Variants in ADAMTSL1 observed in about 807,000 individuals in gnomAD.
ADAMTSL1 encodes the protein ADAMTS-like protein 1.
Under a neutral mutation model 201.8 loss-of-function variants are expected in ADAMTSL1, and 126 were observed. That is an observed-to-expected ratio of 0.62 (90% CI 0.54 to 0.72). The LOEUF is 0.72. ADAMTSL1 is among the 30% of genes least tolerant of loss of function. The pLI is 0.00. For missense variants in ADAMTSL1, 2,679 were observed against 2,277.8 expected, an observed-to-expected ratio of 1.18 and a Z score of -3.59; for synonymous variants, 1,121 against 903.4, an observed-to-expected ratio of 1.24 and a Z score of -4.32.
rs146189471 is a variant in ADAMTSL1, at chr9:18,797,438, A to G, written c.3805+1914A>G. On this transcript the variant is annotated intron_variant, in intron 20 of 28. Coordinates refer to ENST00000380548, the MANE Select transcript of ADAMTSL1 (RefSeq NM_001040272.6). ...TGCCACATGTTGTGGAACCTACAGC[A>G]ATAAATAAAACCTGTGTTTTGTGGT... Among the ~76,000 whole-genome samples, 182 of 152,344 alleles carry G rather than the reference A, an allele frequency of 1.2e-3. 1 individual carries two copies. The highest frequency in any genetic ancestry group is 3.8e-3 in the African/African-American group (157 of 41,570).
chr9:18,173,357 A>T (rs1186993624), intron 2 of ADAMTSL1, among the ~76,000 whole-genome samples: 1 of 152,118 alleles, frequency 6.6e-6, no homozygotes, highest in Non-Finnish European at 1.5e-5. Context: ...GCAGAACCCA[A>T]CATCATGGGG....
At chr9:18,192,880 A>C (rs1330194481) in intron 2 of ADAMTSL1, among the ~76,000 whole-genome samples, 1 of 152,202 alleles carries the variant, frequency 6.6e-6, no homozygotes, top group Non-Finnish European at 1.5e-5. Context: ...GCTTATTGCA[A>C]GCACTGTATG....
chr9:18,848,284 A>C (rs368449944), intron 23 of ADAMTSL1, among the ~76,000 whole-genome samples: 12 of 152,370 alleles, frequency 7.9e-5, no homozygotes, highest in Admixed American at 5.9e-4. Context: ...GTACTTTTAA[A>C]AAATGATTCT....
chr9:18,518,036 C>G (rs1818467232), intron 2 of ADAMTSL1, among the ~76,000 whole-genome samples: 1 of 152,094 alleles, frequency 6.6e-6, no homozygotes, highest in Non-Finnish European at 1.5e-5. Flanking sequence ...CCTTCCTTCT[C>G]TCACGAAATA....
At chr9:18,490,094 C>T (rs996191124) in intron 1 of ADAMTSL1, among the ~76,000 whole-genome samples, 1 of 152,210 alleles carries the variant, frequency 6.6e-6, no homozygotes, top group African/African-American at 2.4e-5. Flanking sequence ...GGCCCTGTCC[C>T]AAACCATCAT....
chr9:18,187,554 T>C (rs1320957752), intron 2 of ADAMTSL1, among the ~76,000 whole-genome samples: 1 of 152,110 alleles, frequency 6.6e-6, no homozygotes, highest in Non-Finnish European at 1.5e-5. Context: ...TTTAAATATG[T>C]GTATACATTT....
At chr9:18,573,066 T>C (rs975628212) in intron 3 of ADAMTSL1, among the ~76,000 whole-genome samples, 1 of 152,182 alleles carries the variant, frequency 6.6e-6, no homozygotes, top group African/African-American at 2.4e-5. Flanking sequence ...TTGTTAGCCA[T>C]AGTTTTACAT....
intron 1 of ADAMTSL1, among the ~76,000 whole-genome samples, chr9:17,956,648 C>G (rs1827944605): frequency 6.6e-6 from 1 of 152,116 alleles, no homozygotes; most frequent in African/African-American, 2.4e-5. Context: ...AAAGCCTTCT[C>G]TGTATGTAGC....
At chr9:18,564,151 G>A (rs1385692764) in intron 3 of ADAMTSL1, among the ~76,000 whole-genome samples, 2 of 152,216 alleles carry the variant, frequency 1.3e-5, no homozygotes, top group Non-Finnish European at 2.9e-5. Flanking sequence ...GTGGGCACCT[G>A]AGAGAATATC....
chr9:18,284,874 C>T (rs900160953), intron 2 of ADAMTSL1, among the ~76,000 whole-genome samples: 2 of 152,072 alleles, frequency 1.3e-5, no homozygotes, highest in African/African-American at 4.8e-5. Context: ...GAAAACTATC[C>T]GTTATCATAT....
chr9:18,869,933 A>T (rs1391253812), intron 23 of ADAMTSL1, among the ~76,000 whole-genome samples: 1 of 151,456 alleles, frequency 6.6e-6, no homozygotes, highest in Non-Finnish European at 1.5e-5. Flanking sequence ...TTAGACCTCA[A>T]TTTTTTTTCA....
At chr9:17,972,207 C>G (rs1263707018) in intron 1 of ADAMTSL1, among the ~76,000 whole-genome samples, 1 of 146,602 alleles carries the variant, frequency 6.8e-6, no homozygotes, top group Non-Finnish European at 1.5e-5. Flanking sequence ...TACATGTGCA[C>G]AATGTGCAGG....
chr9:18,435,606 T>C (rs2133427324), intron 2 of ADAMTSL1, among the ~76,000 whole-genome samples: 1 of 152,258 alleles, frequency 6.6e-6, no homozygotes, highest in Non-Finnish European at 1.5e-5. Flanking sequence ...GAAATGGAAG[T>C]GAACTGGACC....
chr9:18,169,787 C>G (rs1827808253), intron 2 of ADAMTSL1, among the ~76,000 whole-genome samples: 1 of 151,968 alleles, frequency 6.6e-6, no homozygotes, highest in Non-Finnish European at 1.5e-5. Context: ...TGTTTGTATC[C>G]TCTTCTATTT....
chr9:18,365,259 C>G (rs142008674), intron 2 of ADAMTSL1, among the ~76,000 whole-genome samples: 3 of 152,230 alleles, frequency 2.0e-5, no homozygotes, highest in Non-Finnish European at 4.4e-5. Flanking sequence ...TATAGATGTA[C>G]TTATCGACAT....
intron 2 of ADAMTSL1, among the ~76,000 whole-genome samples, chr9:18,279,965 A>C (rs143623514): frequency 1.3e-5 from 2 of 151,938 alleles, no homozygotes; most frequent in East Asian, 2.0e-4. Flanking sequence ...CCTAGAGCCT[A>C]TGCCTTTTGG....
intron 2 of ADAMTSL1, among the ~76,000 whole-genome samples, chr9:18,294,369 T>C (rs1833389974): frequency 6.6e-6 from 1 of 152,204 alleles, no homozygotes; most frequent in Non-Finnish European, 1.5e-5. Flanking sequence ...TGGTCTTTTG[T>C]TTTGTGTGCT....
intron 1 of ADAMTSL1, among the ~76,000 whole-genome samples, chr9:18,121,708 G>C (rs1825504138): frequency 6.6e-6 from 1 of 152,096 alleles, no homozygotes; most frequent in Admixed American, 6.6e-5. Context: ...ATACAAGAGG[G>C]AAATGTCTAA....
At chr9:17,954,112 C>T (rs1246878115) in intron 1 of ADAMTSL1, among the ~76,000 whole-genome samples, 1 of 152,200 alleles carries the variant, frequency 6.6e-6, no homozygotes, top group Non-Finnish European at 1.5e-5. Flanking sequence ...TCTAATCTGT[C>T]TATCACCTCA....
Sources: allele counts gnomAD v4.1 joint callset (sites outside exome capture counted in the v4.1 genomes callset), GRCh38; gene constraint gnomAD v4.1.1; transcripts MANE v1.5; gene names NCBI Gene and HGNC (gene_info 2026-07-23, HGNC 2026-07-21).